The following CELF4 variants were observed in gnomAD, a reference collection of about 807,000 sequenced individuals.
CELF4 encodes CUG-BP- and ETR-3-like factor 4.
CELF4 carries 18 observed loss-of-function variants against 59.9 expected under a neutral mutation model. The ratio of observed to expected loss-of-function variants is 0.30; its 90% CI spans 0.21 to 0.45. The LOEUF (loss-of-function observed/expected upper bound fraction) is 0.45. Among genes scored for constraint, CELF4 ranks in the 20% least tolerant of loss-of-function variants. The pLI is 1.00. For synonymous variants in CELF4, 261 were observed against 267.1 expected (o/e 0.98, Z 0.22); for missense variants, 456 against 689.0 (o/e 0.66, Z 3.79).
chr18:37,244,674 A>T lies in CELF4; in HGVS notation c.*568T>A, dbSNP rs951377753. ...TGAGGCAGGAAGGAGGGGGTCCTCC[A>T]TTCCCCCTCTATTTGACATAGAGCT... On this transcript the variant is annotated 3_prime_UTR_variant, in exon 13 of 13. Transcript: ENST00000420428. 1.3e-5 allele frequency: 2 copies of T among 152,202 alleles called. No homozygotes were observed. Among genetic ancestry groups the T allele is most frequent in the Admixed American group, 6.6e-5 (1 of 15,248 alleles). 9.4% of individuals were successfully genotyped at this position (152,202 alleles called of 1,614,324 possible).
chr18:37,390,217 G>A (rs576514160), intron 2 of CELF4, among the ~76,000 whole-genome samples: 14 of 152,316 alleles, frequency 9.2e-5, no homozygotes, highest in East Asian at 1.9e-4. Context: ...TTATGGAGGC[G>A]CCTGAAGGAG....
At chr18:37,262,217 C>T (rs929386289) in intron 10 of CELF4, among the ~76,000 whole-genome samples, 4 of 152,322 alleles carry the variant, frequency 2.6e-5, no homozygotes, top group Non-Finnish European at 2.9e-5. Context: ...CCATGCTGTG[C>T]GGCTCTGTTG....
intron 2 of CELF4, among the ~76,000 whole-genome samples, chr18:37,411,192 G>A (rs1336381287): frequency 6.6e-6 from 1 of 152,184 alleles, no homozygotes; most frequent in African/African-American, 2.4e-5. Flanking sequence ...CTGAGCTCAA[G>A]TGATCCTCCC....
intron 2 of CELF4, among the ~76,000 whole-genome samples, chr18:37,482,130 T>TC (rs768859969): frequency 1.3e-5 from 2 of 152,154 alleles, no homozygotes; most frequent in African/African-American, 2.4e-5. Context: ...GTGGCTTCCA[T>TC]CCCCAACTTG....
At chr18:37,561,902 C>T (rs2099986652) in intron 1 of CELF4, among the ~76,000 whole-genome samples, 1 of 152,168 alleles carries the variant, frequency 6.6e-6, no homozygotes, top group African/African-American at 2.4e-5. Flanking sequence ...TCCCAAAGTG[C>T]TCTAATAGGG....
intron 7 of CELF4, among the ~76,000 whole-genome samples, chr18:37,272,201 C>T (rs192110231): frequency 6.6e-6 from 1 of 152,172 alleles, no homozygotes; most frequent in African/African-American, 2.4e-5. Flanking sequence ...ACTAGACTAG[C>T]GTTTCTCAAC....
intron 1 of CELF4, among the ~76,000 whole-genome samples, chr18:37,553,874 G>A (rs1374603719): frequency 6.6e-6 from 1 of 152,178 alleles, no homozygotes; most frequent in Non-Finnish European, 1.5e-5. Flanking sequence ...TCAGACTGGG[G>A]CCCGCAGTGT....
chr18:37,407,806 T>C (rs925118856), intron 2 of CELF4, among the ~76,000 whole-genome samples: 1 of 152,090 alleles, frequency 6.6e-6, no homozygotes, highest in African/African-American at 2.4e-5. Context: ...GCACATGCCA[T>C]ATTGGATTCC....
Position 37,536,694 on chromosome 18 carries a change from C to A in CELF4, c.286+28662G>T, listed in dbSNP as rs984916018. Among the ~76,000 whole-genome samples, 4 of 152,218 alleles carry A rather than the reference C, an allele frequency of 2.6e-5. 1 individual carries two copies. The South Asian group carries it at 8.3e-4, about 32-fold the overall frequency. On this transcript the variant is annotated intron_variant, in intron 1 of 12. Transcript: ENST00000420428. ...GACAGGAGGAGCCCTGGCCCCAGTC[C>A]CCAGGCAGCAAGTCCCCGCACATCT...
In CELF4 at chr18:37,480,560, TATC is replaced by T. The variant is rs1488473696; in HGVS notation, c.369+4962_369+4964del. ...TGTTCTTGCCTTCATCCTTTCTACT[TATC>T]ATTCATCTTTACAGTTGTACATAAA... On this transcript the variant is annotated intron_variant, in intron 2 of 12. Transcript: ENST00000420428. Among the ~76,000 whole-genome samples the T allele has an allele frequency of 1.4e-4, 21 of 152,328 alleles. No homozygotes were observed. In the East Asian group the frequency reaches 4.1e-3, roughly 29 times the overall value.
chr18:37,430,289 G>T (rs1379789938), intron 2 of CELF4, among the ~76,000 whole-genome samples: 1 of 152,192 alleles, frequency 6.6e-6, no homozygotes, highest in Non-Finnish European at 1.5e-5. Flanking sequence ...ATAACCTGGG[G>T]CCCCTTGGAA....
At chr18:37,371,698 T>C (rs2098886555) in intron 2 of CELF4, among the ~76,000 whole-genome samples, 1 of 152,192 alleles carries the variant, frequency 6.6e-6, no homozygotes, top group African/African-American at 2.4e-5. Context: ...GGCCCTTGGC[T>C]ACCCCTGTGA....
At chr18:37,374,592 C>T (rs1234569717) in intron 2 of CELF4, among the ~76,000 whole-genome samples, 1 of 152,224 alleles carries the variant, frequency 6.6e-6, no homozygotes, top group Non-Finnish European at 1.5e-5. Flanking sequence ...CTCCCCTGGT[C>T]TGGCCACCAT....
chr18:37,272,525 G>A (rs1294564949), intron 7 of CELF4, among the ~76,000 whole-genome samples: 1 of 135,894 alleles, frequency 7.4e-6, no homozygotes, highest in Non-Finnish European at 1.5e-5. Flanking sequence ...TTGTTGCATA[G>A]TTGTCTTAGA....
intron 2 of CELF4, among the ~76,000 whole-genome samples, chr18:37,353,233 A>AATATATATATATATATATATATATAT (rs1557327923): frequency 9.3e-6 from 1 of 106,978 alleles, no homozygotes. Context: ...AAAAAAAAAA[A>AATATATATATATATATATATATATAT]ATATATATAT....
chr18:37,540,697 TG>T (rs1032543663), intron 1 of CELF4, among the ~76,000 whole-genome samples: 2 of 152,150 alleles, frequency 1.3e-5, no homozygotes, highest in Non-Finnish European at 2.9e-5. Context: ...AATGCAACCT[TG>T]GCATCCTGGG....
chr18:37,532,622 A>G (rs1823815149), intron 1 of CELF4, among the ~76,000 whole-genome samples: 1 of 152,170 alleles, frequency 6.6e-6, no homozygotes, highest in Admixed American at 6.5e-5. Flanking sequence ...TCTGGAAGAC[A>G]AAGTAGAAAA....
intron 1 of CELF4, among the ~76,000 whole-genome samples, chr18:37,547,939 GA>G (rs2099981983): frequency 6.6e-6 from 1 of 152,216 alleles, no homozygotes; most frequent in African/African-American, 2.4e-5. Context: ...GTGTGTCTAT[GA>G]ATGTGTTTGT....
chr18:37,405,336 C>T (rs914458062), intron 2 of CELF4, among the ~76,000 whole-genome samples: 2 of 152,224 alleles, frequency 1.3e-5, no homozygotes, highest in African/African-American at 4.8e-5. Context: ...TGCCCTTGCC[C>T]CTTCCTCTGC....
Sources: allele counts gnomAD v4.1 joint callset (sites outside exome capture counted in the v4.1 genomes callset), GRCh38; gene constraint gnomAD v4.1.1; transcripts MANE v1.5; gene names NCBI Gene and HGNC (gene_info 2026-07-23, HGNC 2026-07-21).